The following PDHA1 variants were observed in gnomAD, a reference collection of about 807,000 sequenced individuals.
PDHA1 encodes pyruvate dehydrogenase E1 subunit alpha 1.
PDHA1 carries 1 observed loss-of-function variant against 33.0 expected under a neutral mutation model. That is an observed-to-expected ratio of 0.03 (90% CI 0.01 to 0.14). The LOEUF is 0.14. PDHA1 is among the 10% of genes least tolerant of loss of function. The pLI is 1.00. For synonymous variants in PDHA1, 123 were observed against 119.2 expected, an observed-to-expected ratio of 1.03 and a Z score of -0.21; for missense variants, 168 against 325.1, an observed-to-expected ratio of 0.52 and a Z score of 3.72.
chrX:19,345,768 A>G (rs1602221413), intron 1 of PDHA1: 2 of 250,375 alleles, frequency 8.0e-6, no homozygotes, highest in Admixed American at 5.3e-5. Context: ...GCCACCTTAC[A>G]GTAGGAAGAA....
At position 19,359,473 on chromosome X, in the gene PDHA1, G is replaced by T; in HGVS notation, c.1009-16G>T. ...TGTTCATTCTAAAACCTTTTACACTGTTACCTAATTTTTAGGAAATTGATG... is the reference window on the plus strand; with the variant it reads ...TGTTCATTCTAAAACCTTTTACACTTTTACCTAATTTTTAGGAAATTGATG... On this transcript the variant is annotated splice_polypyrimidine_tract_variant and intron_variant, in intron 10 of 10. Coordinates refer to ENST00000422285, the MANE Select transcript of PDHA1 (RefSeq NM_000284.4). 2.5e-6 allele frequency: 3 copies of T among 1,200,473 alleles called. No individual in the cohort carries two copies. Among genetic ancestry groups the T allele is most frequent in the Non-Finnish European group, 3.4e-6 (3 of 885,524 alleles).
chrX:19,361,203 CT>C lies in PDHA1; in HGVS notation c.*1552del. The C allele has an allele frequency of 5.9e-6, 3 of 505,874 alleles. No individual in the cohort carries two copies. Among genetic ancestry groups the C allele is most frequent in the Non-Finnish European group, 9.7e-6 (3 of 308,959 alleles). The allele number at this position is 505,874 out of a possible 1,213,427, so 41.7% of individuals were successfully genotyped here. ...GCCTGGCTTTCAGTTTCTGCCCCAC[CT>C]TGGCTTTTTCCCAGCTTGAACCTAA... On this transcript the variant is annotated 3_prime_UTR_variant, in exon 11 of 11. Transcript: ENST00000422285.
rs779999826 is a variant in PDHA1 at position 19,361,086 on chromosome X, C to T, written c.*1433C>T. On this transcript the variant is annotated 3_prime_UTR_variant, in exon 11 of 11. Transcript: ENST00000422285. ...AGGGGGTGGGTCCAGCGTGCAGGCA[C>T]GCTTGCCATGTGCCTCCACCCACTC... 6.7e-5 allele frequency: 28 copies of T among 418,972 alleles called. No individual in the cohort carries two copies. The East Asian group carries it at 8.3e-4, about 12-fold the overall frequency. The allele number at this position is 418,972 out of a possible 1,213,427, so 34.5% of individuals were successfully genotyped here. A position where few individuals can be genotyped will look rare whatever the true frequency, so the allele number is the denominator to read the frequency against.
Position 19,359,016 on chromosome X carries a change from G to C in PDHA1, c.1000G>C (p.Glu334Gln). The change falls in exon 10 of 11, where the codon GAA becomes CAA. Residue 334 changes from glutamate to glutamine, a missense_variant. Physicochemically the swap from Glu to Gln is conservative, Grantham distance 29 (BLOSUM62 2). Transcript: ENST00000422285. ...GAACAGCAATCTTGCCAGTGTGGAA[G>C]AACTAAAGGTACAGTCACTTGTTCA... Reference protein sequence around the residue: ...MVNSNLASVEELKEIDVEVRK... With the variant: ...MVNSNLASVEQLKEIDVEVRK... 8.7e-7 allele frequency: 1 copy of C among 1,143,913 alleles called. No homozygotes were observed. Among genetic ancestry groups the C allele is most frequent in the Non-Finnish European group, 1.2e-6 (1 of 833,664 alleles). The allele number at this position is 1,143,913 out of a possible 1,213,427, so 94.3% of individuals were successfully genotyped here.
In PDHA1 at chrX:19,360,236, ACATTCGTAT is replaced by A. The variant is rs1212533163; in HGVS notation, c.*586_*594del. ...TCATATCAAACATTAACTACAAGGC[ACATTCGTAT>A]CAGTTTTGTGTTTCTCAAATTGAAG... is the stretch of plus-strand genomic sequence containing the variant. On this transcript the variant is annotated 3_prime_UTR_variant, in exon 11 of 11. Coordinates refer to ENST00000422285, the MANE Select transcript of PDHA1 (RefSeq NM_000284.4). The A allele has an allele frequency of 7.5e-6, 1 of 133,262 alleles. No homozygotes were observed. The highest frequency in any genetic ancestry group is 1.5e-5 in the Non-Finnish European group (1 of 66,886). 11.0% of individuals were successfully genotyped at this position (133,262 alleles called of 1,213,427 possible).
At position 19,361,503 on chromosome X, in the gene PDHA1, G is replaced by T; in HGVS notation, c.*1850G>T. On this transcript the variant is annotated 3_prime_UTR_variant, in exon 11 of 11. Coordinates refer to ENST00000422285, the MANE Select transcript of PDHA1 (RefSeq NM_000284.4). ...TTGTTGTAAATTTACCTTTTCAATT[G>T]TCTTTGCATCAGCTCCTTGCAGCCG... 1 of 1,208,894 alleles carries T rather than the reference G, an allele frequency of 8.3e-7. No individual in the cohort carries two copies. Among genetic ancestry groups the T allele is most frequent in the East Asian group, 3.0e-5 (1 of 33,830 alleles).
intron 1 of PDHA1, chrX:19,345,745 T>TCCCCCCCCCC (rs745880160): frequency 1.2e-5 from 2 of 170,187 alleles, no homozygotes; most frequent in African/African-American, 1.0e-4. Flanking sequence ...GTTTGCAGGG[T>TCCCCCCCCCC]CCCCCCCCCC....
In PDHA1 at chrX:19,355,703, C is replaced by T; in HGVS notation, c.777C>T (p.Ile259=). Reference sequence around the variant, plus strand: ...ATTACCAGGTGGATGGAATGGATATCCTGTGCGTCCGAGAGGCAACAAGGT... The same window carrying T: ...ATTACCAGGTGGATGGAATGGATATTCTGTGCGTCCGAGAGGCAACAAGGT... ...IPGLRVDGMD[I]LCVREATRFA... Residue 259 remains isoleucine (I), a synonymous_variant, in exon 8 of 11, where the codon ATC becomes ATT. Coordinates refer to ENST00000422285, the MANE Select transcript of PDHA1 (RefSeq NM_000284.4). 8.3e-7 allele frequency: 1 copy of T among 1,208,499 alleles called. No homozygotes were observed. Among genetic ancestry groups the T allele is most frequent in the Non-Finnish European group, 1.1e-6 (1 of 892,447 alleles).
rs140383712 is a variant in PDHA1, at chrX:19,360,674, G to A, written c.*1021G>A. 1,565 of 762,131 alleles carry A rather than the reference G, an allele frequency of 2.1e-3. 11 individuals carry two copies. In the African/African-American group the frequency reaches 0.028, roughly 14 times the overall value. 62.8% of individuals were successfully genotyped at this position (762,131 alleles called of 1,213,427 possible). A position where few individuals can be genotyped will look rare whatever the true frequency, so the allele number is the denominator to read the frequency against. The stretch of plus-strand genomic sequence containing the variant: ...TAAATATGTAAACACAGCGGAATTC[G>A]TGTATACACTAACAGAAGCTTTAAC... On this transcript the variant is annotated 3_prime_UTR_variant, in exon 11 of 11. Coordinates refer to ENST00000422285, the MANE Select transcript of PDHA1 (RefSeq NM_000284.4).
intron 1 of PDHA1, among the ~76,000 whole-genome samples, chrX:19,346,293 G>T (rs1274388138): frequency 9.0e-6 from 1 of 111,507 alleles, no homozygotes; most frequent in African/African-American, 3.3e-5. Flanking sequence ...AAGACGCTGT[G>T]TGTTTTTTCC....
At position 19,344,304 on chromosome X, in the gene PDHA1, C is replaced by T. The variant is rs770140118; in HGVS notation, c.57+210C>T. 1.1e-4 allele frequency among the ~76,000 whole-genome samples: 12 copies of T among 113,194 alleles called. No homozygotes were observed. In the South Asian group the frequency reaches 3.9e-3, roughly 37 times the overall value. On this transcript the variant is annotated intron_variant, in intron 1 of 10. Coordinates refer to ENST00000422285, the MANE Select transcript of PDHA1 (RefSeq NM_000284.4). ...ATCACGCCAAGGTCCGTGTGAACTT[C>T]CCCCTTCTCGACACCCACCTCCCGC... is the stretch of plus-strand genomic sequence containing the variant.
rs2147179692 is a variant in PDHA1 at position 19,354,484 on chromosome X, A to ATGTT, written c.511-6_511-3dup. 1 of 1,133,409 alleles carries ATGTT rather than the reference A, an allele frequency of 8.8e-7. No homozygotes were observed. The highest frequency in any genetic ancestry group is 2.2e-5 in the Admixed American group (1 of 45,861). 93.4% of individuals were successfully genotyped at this position (1,133,409 alleles called of 1,213,427 possible). On this transcript the variant is annotated splice_polypyrimidine_tract_variant and splice_region_variant and intron_variant, in intron 5 of 10. Transcript: ENST00000422285. ...GTGGTTCCTTTCTCGGTTGTCCTTA[A>ATGTT]TGTTAGGTGCCCCTGGGCGCTGGGA...
chrX:19,353,321 T>C, intron 5 of PDHA1, 148 bp downstream of exon 5: 1 of 528,175 alleles, frequency 1.9e-6, no homozygotes, highest in East Asian at 3.6e-5. Flanking sequence ...TATATGATGT[T>C]GGACCCATAA....
chrX:19,360,603 G>GTATT lies in PDHA1; in HGVS notation c.*953_*956dup. 6 of 459,793 alleles carry GTATT rather than the reference G, an allele frequency of 1.3e-5. No individual in the cohort carries two copies. The highest frequency in any genetic ancestry group is 1.9e-5 in the Non-Finnish European group (5 of 267,324). 37.9% of individuals were successfully genotyped at this position (459,793 alleles called of 1,213,427 possible). On this transcript the variant is annotated 3_prime_UTR_variant, in exon 11 of 11. Coordinates refer to ENST00000422285, the MANE Select transcript of PDHA1 (RefSeq NM_000284.4). The stretch of plus-strand genomic sequence containing the variant: ...CAGGTTTCAAAAGAAACTCAGGACA[G>GTATT]TATTTAAAACAAGTTCTTAAACTAT...
intron 3 of PDHA1, among the ~76,000 whole-genome samples, 195 bp from the exon 4 acceptor site, chrX:19,351,086 T>A (rs181821394): frequency 8.9e-6 from 1 of 112,332 alleles, no homozygotes; most frequent in East Asian, 2.8e-4. Context: ...AGGAAGGAAG[T>A]GGCACATGTG....
rs1367997023 is a variant in PDHA1 at position 19,344,058 on chromosome X, C to T, written c.21C>T (p.Ala7=). MRKMLA[A]VSRVLSGASQ... The stretch of plus-strand genomic sequence containing the variant: ...GCTTCATGAGGAAGATGCTCGCCGC[C>T]GTCTCCCGCGTGCTGTCTGGCGCTT... Residue 7 remains alanine (A), a synonymous_variant, in exon 1 of 11, where the codon GCC becomes GCT. Coordinates refer to ENST00000422285, the MANE Select transcript of PDHA1 (RefSeq NM_000284.4). 2.9e-5 allele frequency: 35 copies of T among 1,206,660 alleles called. No individual in the cohort carries two copies. The highest frequency in any genetic ancestry group is 3.6e-5 in the Non-Finnish European group (32 of 894,181).
At chrX:19,358,279 G>A (rs1394008344) in intron 9 of PDHA1, among the ~76,000 whole-genome samples, 1 of 112,161 alleles carries the variant, frequency 8.9e-6, no homozygotes, top group East Asian at 2.8e-4. Context: ...TTTGTAGAGT[G>A]GACTTCTAAG....
Position 19,360,088 on chromosome X carries a change from G to A in PDHA1, c.*435G>A. 5.8e-6 allele frequency: 1 copy of A among 171,443 alleles called. No homozygotes were observed. Among genetic ancestry groups the A allele is most frequent in the South Asian group, 1.1e-4 (1 of 9,148 alleles). 14.1% of individuals were successfully genotyped at this position (171,443 alleles called of 1,213,427 possible). On this transcript the variant is annotated 3_prime_UTR_variant, in exon 11 of 11. Transcript: ENST00000422285. ...AGATACAATATTTATTATCAGGCAAGAGGACAGTTCCATTTTAAAATAAGA... is the reference window on the plus strand; with the variant it reads ...AGATACAATATTTATTATCAGGCAAAAGGACAGTTCCATTTTAAAATAAGA...
chrX:19,354,865 A>G (rs1488378688), intron 6 of PDHA1, among the ~76,000 whole-genome samples: 1 of 112,539 alleles, frequency 8.9e-6, no homozygotes, highest in African/African-American at 3.2e-5. Context: ...ACCTATTGCA[A>G]AACAATACAG....
Sources: allele counts gnomAD v4.1 joint callset (sites outside exome capture counted in the v4.1 genomes callset), GRCh38; gene constraint gnomAD v4.1.1; transcripts MANE v1.5; gene names NCBI Gene and HGNC (gene_info 2026-07-23, HGNC 2026-07-21).